PCDHGA3: variants seen among roughly 807,000 people sequenced by gnomAD.
PCDHGA3 encodes the protein protocadherin gamma subfamily A, 3.
Under a neutral mutation model 58.5 loss-of-function variants are expected in PCDHGA3, and 40 were observed. The ratio of observed to expected loss-of-function variants is 0.68; its 90% CI spans 0.53 to 0.89. The LOEUF (loss-of-function observed/expected upper bound fraction) is 0.89. PCDHGA3 is among the 40% of genes least tolerant of loss of function. The pLI is 0.00. For synonymous variants in PCDHGA3, 530 were observed against 525.7 expected (o/e 1.01, Z -0.11); for missense variants, 1,223 against 1,195.9 (o/e 1.02, Z -0.33).
At chr5:141,492,423 G>C (rs1164828445) in intron 1 of PCDHGA3, among the ~76,000 whole-genome samples, 1 of 152,222 alleles carries the variant, frequency 6.6e-6, no homozygotes, top group African/African-American at 2.4e-5. Context: ...CCCTCCGCCG[G>C]GCTCAGGAGT....
chr5:141,480,021 C>G (rs1415230863), intron 1 of PCDHGA3, among the ~76,000 whole-genome samples: 1 of 152,208 alleles, frequency 6.6e-6, no homozygotes, highest in Non-Finnish European at 1.5e-5. Context: ...AATCTCCTTT[C>G]TAAGCCTCTT....
intron 1 of PCDHGA3, chr5:141,365,286 T>C (rs1261897529): frequency 6.2e-7 from 1 of 1,613,946 alleles, no homozygotes. Flanking sequence ...CTCATGGAAG[T>C]GGTAGCTCAG....
chr5:141,370,754 T>A, intron 1 of PCDHGA3: 1 of 1,613,980 alleles, frequency 6.2e-7, no homozygotes, highest in Non-Finnish European at 8.5e-7. Flanking sequence ...TTCATGTAAC[T>A]GTGCTGATCC....
chr5:141,486,843 A>G lies in PCDHGA3; in HGVS notation c.2425-7964A>G, dbSNP rs1455684942. On this transcript the variant is annotated intron_variant, in intron 1 of 3. Coordinates refer to ENST00000253812, the MANE Select transcript of PCDHGA3 (RefSeq NM_018916.4). The surrounding 1 kb of genome is among the most constrained non-coding windows in gnomAD (Gnocchi z 5.0). ...GTAACAGTTCGTCTATTTGTGCTGG[A>G]CCTCAATGACAATGCTCCAGCTGTG... 6.2e-7 allele frequency: 1 copy of G among 1,614,214 alleles called. No homozygotes were observed. Among genetic ancestry groups the G allele is most frequent in the Admixed American group, 1.7e-5 (1 of 60,034 alleles).
intron 1 of PCDHGA3, among the ~76,000 whole-genome samples, chr5:141,474,227 G>A (rs1394834744): frequency 6.6e-6 from 1 of 152,190 alleles, no homozygotes; most frequent in Non-Finnish European, 1.5e-5. Flanking sequence ...TGTGAATTAA[G>A]TGATGCTGAA....
At chr5:141,371,656 C>A (rs772257649) in intron 1 of PCDHGA3, 4 of 1,613,886 alleles carry the variant, frequency 2.5e-6, no homozygotes, top group East Asian at 2.2e-5. Flanking sequence ...TACAATGTGA[C>A]GATCACAGCT....
At chr5:141,406,255 A>G (rs1456869005) in intron 1 of PCDHGA3, among the ~76,000 whole-genome samples, 1 of 151,948 alleles carries the variant, frequency 6.6e-6, no homozygotes, top group Admixed American at 6.5e-5. Context: ...ACTGGTCTCA[A>G]ACGATCTTCC....
Position 141,511,303 on chromosome 5 carries a change from C to T in PCDHGA3, c.*130C>T, listed in dbSNP as rs2099883709. 2.7e-6 allele frequency: 4 copies of T among 1,490,160 alleles called. No homozygotes were observed. Among genetic ancestry groups the T allele is most frequent in the Non-Finnish European group, 3.6e-6 (4 of 1,116,196 alleles). 92.3% of individuals were successfully genotyped at this position (1,490,160 alleles called of 1,614,324 possible). ...CTGGTAGGGGCCAAGGCCATGCTCC[C>T]CTTGGGAAACAGAAACAAGTGCCCA... On this transcript the variant is annotated 3_prime_UTR_variant, in exon 4 of 4. Coordinates refer to ENST00000253812, the MANE Select transcript of PCDHGA3 (RefSeq NM_018916.4).
chr5:141,470,444 A>G (rs970120314), intron 1 of PCDHGA3, among the ~76,000 whole-genome samples: 8 of 152,222 alleles, frequency 5.3e-5, no homozygotes, highest in African/African-American at 1.9e-4. Context: ...ATAATTTAAT[A>G]GCATCTTGAA....
chr5:141,395,542 TTGTGTGTG>T (rs55729045), intron 1 of PCDHGA3: 8,424 of 171,616 alleles, frequency 0.049, 167 homozygotes, highest in African/African-American at 0.088. Context: ...TTGCTATTGT[TTGTGTGTG>T]TGTGTGTGTG....
intron 1 of PCDHGA3, chr5:141,415,515 G>C: frequency 6.2e-7 from 1 of 1,614,152 alleles, no homozygotes; most frequent in Non-Finnish European, 8.5e-7. Flanking sequence ...CCAATTATGC[G>C]GACACGCTCA....
In PCDHGA3 at chr5:141,422,435, A is replaced by G. The variant is rs199795822; in HGVS notation, c.2425-72372A>G. 7.8e-4 allele frequency: 1,254 copies of G among 1,609,700 alleles called. 7 individuals are homozygous for G. The highest frequency in any genetic ancestry group is 2.1e-3 in the South Asian group (193 of 90,090). Reference sequence around the variant, plus strand: ...TTAGAAAAGACTTATGGAAATTATTACAAATTGATAACAAGCAGAGTGCTG... The same window carrying G: ...TTAGAAAAGACTTATGGAAATTATTGCAAATTGATAACAAGCAGAGTGCTG... On this transcript the variant is annotated intron_variant, in intron 1 of 3. Transcript: ENST00000253812.
intron 3 of PCDHGA3, among the ~76,000 whole-genome samples, chr5:141,509,633 GA>G (rs2099877629): frequency 6.6e-6 from 1 of 152,204 alleles, no homozygotes; most frequent in Non-Finnish European, 1.5e-5. Flanking sequence ...GGGTGATGCT[GA>G]GCCAGGGCCA....
rs768648952 is a variant in PCDHGA3, at chr5:141,477,230, G to T, written c.2425-17577G>T. 14 of 1,614,046 alleles carry T rather than the reference G, an allele frequency of 8.7e-6. No homozygotes were observed. The highest frequency in any genetic ancestry group is 4.0e-5 in the African/African-American group (3 of 74,916). On this transcript the variant is annotated intron_variant, in intron 1 of 3. Transcript: ENST00000253812. The surrounding 1 kb of genome is among the most constrained non-coding windows in gnomAD (Gnocchi z 4.9). Reference sequence around the variant, plus strand: ...GGATGCCCCTCTGGGGACTGTCATCGCTTTGCTCAGTGTGACTGACCTGGA... The same window carrying T: ...GGATGCCCCTCTGGGGACTGTCATCTCTTTGCTCAGTGTGACTGACCTGGA...
intron 1 of PCDHGA3, among the ~76,000 whole-genome samples, chr5:141,492,968 C>T: frequency 6.6e-6 from 1 of 152,240 alleles, no homozygotes; most frequent in East Asian, 1.9e-4. Flanking sequence ...GACACTCTAA[C>T]AAGTCCTGTC....
intron 1 of PCDHGA3, chr5:141,364,297 C>A: frequency 6.6e-7 from 1 of 1,520,028 alleles, no homozygotes; most frequent in Non-Finnish European, 8.8e-7. Context: ...CAGGCTGAAC[C>A]AGAACTAAGA....
chr5:141,360,605 C>T (rs2149815943), intron 1 of PCDHGA3: 1 of 1,614,000 alleles, frequency 6.2e-7, no homozygotes, highest in Admixed American at 1.7e-5. Flanking sequence ...CTTGACCCAG[C>T]CCTGGATTCA....
At chr5:141,351,633 C>G (rs1407000828) in intron 1 of PCDHGA3, 2 of 1,614,070 alleles carry the variant, frequency 1.2e-6, no homozygotes, top group South Asian at 2.2e-5. Flanking sequence ...GTCCACGTGT[C>G]TGAGAACAAC....
At chr5:141,508,732 C>A (rs1037039751) in intron 3 of PCDHGA3, among the ~76,000 whole-genome samples, 3 of 151,880 alleles carry the variant, frequency 2.0e-5, no homozygotes, top group Non-Finnish European at 4.4e-5. Flanking sequence ...GGAGACTACA[C>A]CCCCCACCCC....
Sources: allele counts gnomAD v4.1 joint callset (sites outside exome capture counted in the v4.1 genomes callset), GRCh38; gene constraint gnomAD v4.1.1; non-coding constraint Gnocchi (gnomAD v3.1); transcripts MANE v1.5; gene names NCBI Gene and HGNC (gene_info 2026-07-23, HGNC 2026-07-21).